The following TMTC1 variants were observed in gnomAD, a reference collection of about 807,000 sequenced individuals.
TMTC1 encodes protein O-mannosyl-transferase TMTC1.
TMTC1 carries 73 observed loss-of-function variants against 104.8 expected under a neutral mutation model. The ratio of observed to expected loss-of-function variants is 0.70; its 90% confidence interval spans 0.58 to 0.85. TMTC1 has a LOEUF of 0.85. TMTC1 is among the 40% of genes least tolerant of loss of function. The pLI is 0.00. For synonymous variants in TMTC1, 434 were observed against 428.7 expected (o/e 1.01, Z -0.15); for missense variants, 1,035 against 1,096.1 (o/e 0.94, Z 0.79).
At chr12:29,603,312 A>G (rs1946614928) in intron 7 of TMTC1, among the ~76,000 whole-genome samples, 1 of 152,124 alleles carries the variant, frequency 6.6e-6, no homozygotes, top group Admixed American at 6.5e-5. Context: ...CATAAATAAA[A>G]AACACTCATT....
intron 5 of TMTC1, among the ~76,000 whole-genome samples, chr12:29,642,857 G>A (rs937436805): frequency 3.3e-5 from 5 of 151,852 alleles, no homozygotes; most frequent in Admixed American, 6.6e-5. Context: ...CCCAGGAGGC[G>A]GAGCTTACAG....
rs747326896 is a variant in TMTC1 at position 29,517,506 on chromosome 12, CCAGTGTTGTAATA to C, written c.2077_2089del (p.Tyr693AlafsTer33). 1 of 1,614,098 alleles carries C rather than the reference CCAGTGTTGTAATA, an allele frequency of 6.2e-7. No individual in the cohort carries two copies. Among genetic ancestry groups the C allele is most frequent in the Non-Finnish European group, 8.5e-7 (1 of 1,180,012 alleles). ...AATCTGCAAAGCCTCTTCGTATCGG[CCAGTGTTGTAATA>C]CAGTGCTCCCAAAGGTGACAATATC... On this transcript the variant is annotated frameshift_variant, in exon 14 of 18. Coordinates refer to ENST00000539277, the MANE Select transcript of TMTC1 (RefSeq NM_001193451.2). LOFTEE classifies it high-confidence loss of function.
At chr12:29,670,500 CT>C (rs1412680093) in intron 5 of TMTC1, among the ~76,000 whole-genome samples, 1 of 152,174 alleles carries the variant, frequency 6.6e-6, no homozygotes, top group Non-Finnish European at 1.5e-5. Context: ...AGTCTGTGCC[CT>C]TAATCACAAA....
At chr12:29,725,011 G>GTTTTTTTTTTTTTTTTTTT (rs879602127) in intron 5 of TMTC1, among the ~76,000 whole-genome samples, 4 of 115,728 alleles carry the variant, frequency 3.5e-5, no homozygotes, top group African/African-American at 6.2e-5. Flanking sequence ...TATCTGCCAA[G>GTTTTTTTTTTTTTTTTTTT]TTCTTTTTTT....
chr12:29,555,453 T>A (rs1262141848), intron 10 of TMTC1, among the ~76,000 whole-genome samples: 1 of 152,146 alleles, frequency 6.6e-6, no homozygotes, highest in African/African-American at 2.4e-5. Context: ...TAGGTATTTC[T>A]CCTAATGCTA....
chr12:29,729,581 C>A (rs1009344624), intron 5 of TMTC1, among the ~76,000 whole-genome samples: 1 of 152,202 alleles, frequency 6.6e-6, no homozygotes, highest in Non-Finnish European at 1.5e-5. Context: ...GTTCCCATCA[C>A]AATGACTTCT....
chr12:29,577,836 T>C (rs1208995770), intron 8 of TMTC1, among the ~76,000 whole-genome samples: 3 of 152,192 alleles, frequency 2.0e-5, no homozygotes, highest in Non-Finnish European at 4.4e-5. Context: ...GCTAGGATTT[T>C]AATATAATTT....
rs77481096 is a variant in TMTC1, at chr12:29,667,918, C to T, written c.939-34582G>A. Among the ~76,000 whole-genome samples the T allele has an allele frequency of 1.6e-3, 247 of 152,296 alleles. 2 individuals are homozygous for T. Among genetic ancestry groups the T allele is most frequent in the African/African-American group, 5.5e-3 (230 of 41,556 alleles). On this transcript the variant is annotated intron_variant, in intron 5 of 17. Transcript: ENST00000539277. ...ACTAGCCCTGTGAGTCCATACTTGT[C>T]CCTGTCTTGCAAATGAGGCGGAGGA... is the stretch of plus-strand genomic sequence containing the variant.
chr12:29,684,453 C>CA (rs1169375692), intron 5 of TMTC1, among the ~76,000 whole-genome samples: 2 of 151,870 alleles, frequency 1.3e-5, no homozygotes, highest in East Asian at 1.9e-4. Flanking sequence ...TTAACAACAG[C>CA]AAAAAAGAGG....
At position 29,783,101 on chromosome 12, in the gene TMTC1, C is replaced by T. The variant is rs1943871512; in HGVS notation, c.302+349G>A. On this transcript the variant is annotated intron_variant, in intron 1 of 17. Transcript: ENST00000539277. The surrounding 1 kb of genome is among the most constrained non-coding windows in gnomAD (Gnocchi z 4.7). ...ACCCCTCCGGAACCCTCTGGGTCCGCGCTAGTCCCACTTGGTCACGATCCG... is the reference window on the plus strand; with the variant it reads ...ACCCCTCCGGAACCCTCTGGGTCCGTGCTAGTCCCACTTGGTCACGATCCG... 3 of 259,004 alleles carry T rather than the reference C, an allele frequency of 1.2e-5. No individual in the cohort carries two copies. The highest frequency in any genetic ancestry group is 2.2e-5 in the Non-Finnish European group (3 of 137,104). 16.0% of individuals were successfully genotyped at this position (259,004 alleles called of 1,614,324 possible). A position where few individuals can be genotyped will look rare whatever the true frequency, so the allele number is the denominator to read the frequency against.
In TMTC1 at chr12:29,783,405, A is replaced by C. The variant is rs564109095; in HGVS notation, c.302+45T>G. The C allele has an allele frequency of 7.9e-7, 1 of 1,264,992 alleles. No homozygotes were observed. Among genetic ancestry groups the C allele is most frequent in the South Asian group, 2.7e-5 (1 of 36,694 alleles). The allele number at this position is 1,264,992 out of a possible 1,614,324, so 78.4% of individuals were successfully genotyped here. On this transcript the variant is annotated intron_variant, in intron 1 of 17. Coordinates refer to ENST00000539277, the MANE Select transcript of TMTC1 (RefSeq NM_001193451.2). The surrounding 1 kb of genome is among the most constrained non-coding windows in gnomAD (Gnocchi z 4.7). ...TTCTCCCGGTCCGAGGGACGGGCGGAGGGTAGAGGAGGCAGCGGCGGCTAG... is the reference window on the plus strand; with the variant it reads ...TTCTCCCGGTCCGAGGGACGGGCGGCGGGTAGAGGAGGCAGCGGCGGCTAG...
intron 5 of TMTC1, among the ~76,000 whole-genome samples, chr12:29,727,132 A>G (rs569939977): frequency 6.6e-6 from 1 of 152,370 alleles, no homozygotes; most frequent in Non-Finnish European, 1.5e-5. Flanking sequence ...GTATTTGGTA[A>G]GATTCAATGT....
chr12:29,769,838 A>G (rs1943555731), intron 1 of TMTC1, among the ~76,000 whole-genome samples: 1 of 152,212 alleles, frequency 6.6e-6, no homozygotes, highest in African/African-American at 2.4e-5. Flanking sequence ...AAAGGTATGC[A>G]CTTTTGACTG....
intron 10 of TMTC1, among the ~76,000 whole-genome samples, chr12:29,549,939 A>G (rs1945050569): frequency 6.6e-6 from 1 of 152,120 alleles, no homozygotes; most frequent in African/African-American, 2.4e-5. Flanking sequence ...GATAGATTGG[A>G]TGACAGTCTA....
intron 5 of TMTC1, chr12:29,666,103 A>T (rs80264597): frequency 0.038 from 15,331 of 398,956 alleles, 405 homozygotes; most frequent in Admixed American, 0.069. Context: ...TTTTCCTTAC[A>T]GTGCTTTAAC....
chr12:29,769,195 A>T (rs1943541716), intron 1 of TMTC1, among the ~76,000 whole-genome samples: 1 of 152,216 alleles, frequency 6.6e-6, no homozygotes, highest in Admixed American at 6.5e-5. Context: ...AACCTACAGA[A>T]TTTTAAACAT....
chr12:29,541,857 C>T (rs1944809434), intron 10 of TMTC1, among the ~76,000 whole-genome samples: 1 of 152,082 alleles, frequency 6.6e-6, no homozygotes, highest in African/African-American at 2.4e-5. Context: ...CGGTGTTTCA[C>T]CATGTTGGCC....
intron 6 of TMTC1, among the ~76,000 whole-genome samples, chr12:29,614,407 T>C (rs901799965): frequency 6.6e-6 from 1 of 152,086 alleles, no homozygotes; most frequent in Non-Finnish European, 1.5e-5. Context: ...AAAAGGCTCT[T>C]TACACAAATA....
intron 11 of TMTC1, chr12:29,535,927 C>T (rs2136200656): frequency 3.0e-6 from 1 of 335,078 alleles, no homozygotes; most frequent in Non-Finnish European, 5.4e-6. Flanking sequence ...GTAATAAAAA[C>T]ATCAAATATC....
Sources: allele counts gnomAD v4.1 joint callset (sites outside exome capture counted in the v4.1 genomes callset), GRCh38; gene constraint gnomAD v4.1.1; non-coding constraint Gnocchi (gnomAD v3.1); transcripts MANE v1.5; gene names NCBI Gene and HGNC (gene_info 2026-07-23, HGNC 2026-07-21).